Variants in STT3B observed in about 807,000 individuals in gnomAD.
STT3B encodes dolichyl-diphosphooligosaccharide--protein glycosyltransferase subunit STT3B.
A neutral mutation model predicts 96.8 loss-of-function variants in STT3B; 29 were observed. That is an observed-to-expected ratio of 0.30 (90% confidence interval 0.22 to 0.41). STT3B has a LOEUF of 0.41. Ranked by LOEUF, STT3B falls within the 10% of genes least tolerant of loss-of-function variation. The pLI is 1.00. For missense variants in STT3B, 640 were observed against 1,022.3 expected, an observed-to-expected ratio of 0.63 and a Z score of 5.10; for synonymous variants, 367 against 360.0, an observed-to-expected ratio of 1.02 and a Z score of -0.22.
chr3:31,604,623 G>A (rs368907854), intron 5 of STT3B, among the ~76,000 whole-genome samples: 3 of 152,096 alleles, frequency 2.0e-5, no homozygotes, highest in African/African-American at 2.4e-5. Flanking sequence ...AAAAACCTTC[G>A]TGTAAGGAGT....
chr3:31,546,224 A>G (rs1697409647), intron 1 of STT3B, among the ~76,000 whole-genome samples: 2 of 152,172 alleles, frequency 1.3e-5, no homozygotes, highest in Admixed American at 1.3e-4. Flanking sequence ...GCATTTTATT[A>G]TTTCACAATT....
At chr3:31,575,504 G>T (rs189808689) in intron 1 of STT3B, among the ~76,000 whole-genome samples, 118 of 152,074 alleles carry the variant, frequency 7.8e-4, no homozygotes, top group Non-Finnish European at 1.3e-3. Context: ...TATTGGAAAA[G>T]ACTGTAAAAA....
chr3:31,549,430 C>G (rs1193643043), intron 1 of STT3B, among the ~76,000 whole-genome samples: 1 of 143,432 alleles, frequency 7.0e-6, no homozygotes, highest in Non-Finnish European at 1.5e-5. Flanking sequence ...TTTTAGTTTA[C>G]CTTGTGCTGT....
Position 31,542,782 on chromosome 3 carries a change from C to A in STT3B, c.314+9470C>A, listed in dbSNP as rs543058998. On this transcript the variant is annotated intron_variant, in intron 1 of 15. Coordinates refer to ENST00000295770, the MANE Select transcript of STT3B (RefSeq NM_178862.3). The stretch of plus-strand genomic sequence containing the variant: ...GATATATTGACTGTTAAGAAAAATT[C>A]CAGGCTGGCTGGGTGTGGTGGCTCA... Among the ~76,000 whole-genome samples, 84 of 152,152 alleles carry A rather than the reference C, an allele frequency of 5.5e-4. 1 individual carries two copies. In the South Asian group the frequency reaches 0.015, roughly 27 times the overall value.
At chr3:31,552,697 T>G (rs1697590936) in intron 1 of STT3B, among the ~76,000 whole-genome samples, 1 of 152,204 alleles carries the variant, frequency 6.6e-6, no homozygotes, top group Non-Finnish European at 1.5e-5. Context: ...TTAAGTTAGA[T>G]GTCAGTTGTA....
At chr3:31,559,087 T>C (rs1697794685) in intron 1 of STT3B, among the ~76,000 whole-genome samples, 1 of 151,180 alleles carries the variant, frequency 6.6e-6, no homozygotes, top group Non-Finnish European at 1.5e-5. Context: ...TATTGGTTTT[T>C]TTTTTTTTAA....
chr3:31,630,072 T>A (rs1239632605), intron 14 of STT3B, among the ~76,000 whole-genome samples: 1 of 152,222 alleles, frequency 6.6e-6, no homozygotes, highest in Non-Finnish European at 1.5e-5. Flanking sequence ...TTTTCTTGTT[T>A]GTAAATAATG....
chr3:31,620,671 G>A (rs1221616407), intron 9 of STT3B, among the ~76,000 whole-genome samples: 4 of 152,092 alleles, frequency 2.6e-5, no homozygotes, highest in African/African-American at 9.7e-5. Context: ...GATATCAAAG[G>A]CTTCTACATG....
At chr3:31,596,755 A>G (rs370445889) in intron 3 of STT3B, 43 bp from the exon 4 acceptor site, 1 of 1,470,532 alleles carries the variant, frequency 6.8e-7, no homozygotes, top group African/African-American at 1.4e-5. Flanking sequence ...CCGCAAGAAC[A>G]TTTGTAAACA....
At chr3:31,618,418 A>T (rs1195635829) in intron 8 of STT3B, among the ~76,000 whole-genome samples, 1 of 151,632 alleles carries the variant, frequency 6.6e-6, no homozygotes, top group African/African-American at 2.4e-5. Flanking sequence ...TTGTTTTTTT[A>T]AATCTGTGAA....
intron 3 of STT3B, among the ~76,000 whole-genome samples, chr3:31,593,394 C>T (rs1698711064): frequency 1.3e-5 from 2 of 151,620 alleles, no homozygotes; most frequent in Non-Finnish European, 2.9e-5. Context: ...CTTTATCTGC[C>T]AGTACTTTGA....
chr3:31,580,279 T>C (rs550711242), intron 3 of STT3B, among the ~76,000 whole-genome samples, 183 bp downstream of exon 3: 11 of 152,302 alleles, frequency 7.2e-5, no homozygotes, highest in African/African-American at 2.4e-4. Context: ...TCTCAAGTTA[T>C]GTGTAAATAT....
At chr3:31,605,588 A>G (rs1699032867) in intron 5 of STT3B, among the ~76,000 whole-genome samples, 1 of 152,166 alleles carries the variant, frequency 6.6e-6, no homozygotes, top group East Asian at 1.9e-4. Flanking sequence ...GCTGCCATGT[A>G]AGATGTGCCT....
intron 11 of STT3B, among the ~76,000 whole-genome samples, chr3:31,624,162 ATAAT>A (rs1559391302): frequency 6.6e-6 from 1 of 152,120 alleles, no homozygotes; most frequent in Non-Finnish European, 1.5e-5. Context: ...TTTTAAATGT[ATAAT>A]TAAATTATTT....
intron 1 of STT3B, among the ~76,000 whole-genome samples, chr3:31,540,169 C>G (rs961917946): frequency 6.6e-6 from 1 of 151,994 alleles, no homozygotes; most frequent in South Asian, 2.1e-4. Flanking sequence ...TTTACAATAT[C>G]GTAAATGTTG....
rs754124549 is a variant in STT3B at position 31,590,321 on chromosome 3, C to T, written c.712-6477C>T. Among the ~76,000 whole-genome samples the T allele has an allele frequency of 7.6e-4, 116 of 151,778 alleles. 1 individual carries two copies. The Middle Eastern group carries it at 0.017, about 22-fold the overall frequency. On this transcript the variant is annotated intron_variant, in intron 3 of 15. Transcript: ENST00000295770. ...TCAATTGCATTGATTTCTTCGTCTT[C>T]ATTATTTCCTTCTAATTCACACTTG...
intron 5 of STT3B, among the ~76,000 whole-genome samples, chr3:31,608,646 C>A (rs1378498026): frequency 6.6e-6 from 1 of 152,188 alleles, no homozygotes; most frequent in Non-Finnish European, 1.5e-5. Context: ...ACAGGCCAAC[C>A]ATTATCTAGA....
chr3:31,565,161 C>G (rs914596711), intron 1 of STT3B, among the ~76,000 whole-genome samples: 15 of 152,216 alleles, frequency 9.9e-5, no homozygotes, highest in Non-Finnish European at 2.1e-4. Context: ...CAAAGATGAA[C>G]TGGCCTTTTT....
At chr3:31,632,397 T>C (rs1437227893) in intron 14 of STT3B, among the ~76,000 whole-genome samples, 2 of 152,132 alleles carry the variant, frequency 1.3e-5, no homozygotes, top group Non-Finnish European at 2.9e-5. Flanking sequence ...TAGCGTTAAG[T>C]AAAGATGTTA....
Sources: allele counts gnomAD v4.1 joint callset (sites outside exome capture counted in the v4.1 genomes callset), GRCh38; gene constraint gnomAD v4.1.1; transcripts MANE v1.5; gene names NCBI Gene and HGNC (gene_info 2026-07-23, HGNC 2026-07-21).